The following PALLD variants were observed in gnomAD, a reference collection of about 807,000 sequenced individuals.
PALLD encodes the protein palladin, cytoskeletal associated protein.
A neutral mutation model predicts 123.5 loss-of-function variants in PALLD; 61 were observed. The observed-to-expected ratio is 0.49, with a 90% CI of 0.40 to 0.61. The LOEUF (loss-of-function observed/expected upper bound fraction) is 0.61, where lower values mean the gene tolerates loss of function less well. Ranked by LOEUF, PALLD falls within the 20% of genes least tolerant of loss-of-function variation. PALLD has a pLI of 0.00. For synonymous variants in PALLD, 465 were observed against 496.4 expected, an observed-to-expected ratio of 0.94 and a Z score of 0.84; for missense variants, 1,273 against 1,377.0, an observed-to-expected ratio of 0.92 and a Z score of 1.20.
At position 168,822,109 on chromosome 4, in the gene PALLD, AAG is replaced by A. The variant is rs147974369; in HGVS notation, c.1965-68808_1965-68807del. On this transcript the variant is annotated intron_variant, in intron 10 of 21. Coordinates refer to ENST00000505667, the MANE Select transcript of PALLD (RefSeq NM_001166108.2). ...CCTCCGCAGAACACATGGGGAAACT[AAG>A]AGAGTATGAGAATTTTGTCTCAAGA... Among the ~76,000 whole-genome samples, 1,233 of 152,220 alleles carry A rather than the reference AAG, an allele frequency of 8.1e-3. 6 individuals carry two copies. Among genetic ancestry groups the A allele is most frequent in the Middle Eastern group, 0.027 (8 of 294 alleles).
intron 8 of PALLD, 92 bp from the exon 9 acceptor site, chr4:168,708,936 T>G: frequency 3.7e-6 from 4 of 1,076,750 alleles, no homozygotes; most frequent in Non-Finnish European, 5.7e-6. Context: ...CATAACCTAA[T>G]TTGTTTGTTG....
At chr4:168,805,486 C>T (rs746548808) in intron 10 of PALLD, among the ~76,000 whole-genome samples, 9 of 152,134 alleles carry the variant, frequency 5.9e-5, no homozygotes, top group Admixed American at 1.3e-4. Context: ...CGGTCCAATC[C>T]GATGCTTAAA....
chr4:168,647,385 T>G (rs1292710172), intron 2 of PALLD, among the ~76,000 whole-genome samples: 1 of 152,152 alleles, frequency 6.6e-6, no homozygotes. Flanking sequence ...GGATTAATTA[T>G]TAAAATATTT....
chr4:168,746,888 A>G (rs1407301185), intron 10 of PALLD, among the ~76,000 whole-genome samples: 1 of 152,252 alleles, frequency 6.6e-6, no homozygotes, highest in African/African-American at 2.4e-5. Flanking sequence ...GTATGATCTA[A>G]GAAAAGGTAC....
rs1318322169 is a variant in PALLD at position 168,605,915 on chromosome 4, CT to C, written c.909-62267del. 3.3e-5 allele frequency among the ~76,000 whole-genome samples: 5 copies of C among 150,932 alleles called. No homozygotes were observed. The East Asian group carries it at 7.9e-4, about 24-fold the overall frequency. On this transcript the variant is annotated intron_variant, in intron 2 of 21. Transcript: ENST00000505667. Reference sequence around the variant, plus strand: ...GCCAATGTCAATATAGATTTTTATCCTTTTTTTTAAGAGTTTGCCCAATTTT... The same window carrying C: ...GCCAATGTCAATATAGATTTTTATCCTTTTTTTAAGAGTTTGCCCAATTTT...
At chr4:168,790,800 T>A (rs1316029650) in intron 10 of PALLD, among the ~76,000 whole-genome samples, 1 of 152,200 alleles carries the variant, frequency 6.6e-6, no homozygotes, top group Non-Finnish European at 1.5e-5. Context: ...TATTATCAGA[T>A]AAACTTTTGC....
intron 2 of PALLD, among the ~76,000 whole-genome samples, chr4:168,605,937 A>G (rs1325198784): frequency 6.6e-6 from 1 of 151,002 alleles, no homozygotes; most frequent in African/African-American, 2.4e-5. Context: ...AGTTTGCCCA[A>G]TTTTTTTTTA....
chr4:168,782,301 G>A (rs1201602463), intron 10 of PALLD, among the ~76,000 whole-genome samples: 2 of 152,186 alleles, frequency 1.3e-5, no homozygotes, highest in African/African-American at 4.8e-5. Flanking sequence ...CGAATTATAT[G>A]TTTAATTTTG....
intron 10 of PALLD, chr4:168,878,141 T>A: frequency 1.3e-6 from 2 of 1,485,462 alleles, no homozygotes; most frequent in Non-Finnish European, 1.8e-6. Context: ...GTGGGGCTCC[T>A]CCTCGCCGTC....
chr4:168,891,722 T>C (rs1013218261), intron 11 of PALLD, among the ~76,000 whole-genome samples: 1 of 149,872 alleles, frequency 6.7e-6, no homozygotes, highest in Non-Finnish European at 1.5e-5. Flanking sequence ...CCATTCTGGC[T>C]GATAGGGTTG....
chr4:168,509,166 T>C (rs1762297938), intron 1 of PALLD, among the ~76,000 whole-genome samples: 1 of 152,182 alleles, frequency 6.6e-6, no homozygotes, highest in Non-Finnish European at 1.5e-5. Context: ...TACTGGTGCA[T>C]AGATATACAA....
chr4:168,560,353 C>A (rs1767744122), intron 2 of PALLD, among the ~76,000 whole-genome samples: 1 of 152,190 alleles, frequency 6.6e-6, no homozygotes, highest in South Asian at 2.1e-4. Context: ...TCCAGTAACA[C>A]TGCAGCTGGA....
intron 10 of PALLD, among the ~76,000 whole-genome samples, chr4:168,755,527 T>C (rs1731726551): frequency 6.6e-6 from 1 of 151,782 alleles, no homozygotes; most frequent in South Asian, 2.1e-4. Flanking sequence ...GAAGATGAGA[T>C]TGGAGAAATA....
At chr4:168,880,898 GTTTTCTTTTC>G (rs529718167) in intron 10 of PALLD, among the ~76,000 whole-genome samples, 5 of 151,944 alleles carry the variant, frequency 3.3e-5, no homozygotes, top group Admixed American at 6.6e-5. Flanking sequence ...CAATATCTTA[GTTTTCTTTTC>G]TTTTCTTTTC....
chr4:168,773,919 T>C (rs1734795131), intron 10 of PALLD, among the ~76,000 whole-genome samples: 1 of 152,166 alleles, frequency 6.6e-6, no homozygotes, highest in African/African-American at 2.4e-5. Flanking sequence ...AACAAGTCTA[T>C]TTAACTTCAT....
At position 168,668,358 on chromosome 4, in the gene PALLD, G is replaced by A; in HGVS notation, c.1077G>A (p.Val359=). Residue 359 remains valine, a synonymous_variant, in exon 3 of 22, where the codon GTG becomes GTA. Transcript: ENST00000505667. ...PSGSDTTSAE[V]FIEGASSTDS... is the part of the protein sequence containing the mutation. ...GCTCAGACACAACATCTGCTGAGGT[G>A]TTCATTGAAGGTAAGGAGGGGTGCC... is the stretch of plus-strand genomic sequence containing the variant. 2 of 1,602,712 alleles carry A rather than the reference G, an allele frequency of 1.2e-6. No homozygotes were observed. The highest frequency in any genetic ancestry group is 2.2e-5 in the South Asian group (2 of 89,274).
intron 10 of PALLD, among the ~76,000 whole-genome samples, chr4:168,858,091 A>G (rs1207110878): frequency 6.6e-6 from 1 of 152,210 alleles, no homozygotes; most frequent in Non-Finnish European, 1.5e-5. Flanking sequence ...TTAGAGCAAA[A>G]TTTCAGATTT....
rs143610144 is a variant in PALLD at position 168,910,609 on chromosome 4, A to G, written c.2623-3318A>G. On this transcript the variant is annotated intron_variant, in intron 15 of 21. Transcript: ENST00000505667. ...GAGCATTGGCTTCATGCAAAACACAATGCTGCCCGGTGCTTTACAAGTATT... is the reference window on the plus strand; with the variant it reads ...GAGCATTGGCTTCATGCAAAACACAGTGCTGCCCGGTGCTTTACAAGTATT... 2.3e-3 allele frequency among the ~76,000 whole-genome samples: 350 copies of G among 152,298 alleles called. 2 individuals carry two copies. Among genetic ancestry groups the G allele is most frequent in the African/African-American group, 7.7e-3 (320 of 41,574 alleles).
chr4:168,580,186 GT>G (rs1344559950), intron 2 of PALLD, among the ~76,000 whole-genome samples: 2 of 151,320 alleles, frequency 1.3e-5, no homozygotes, highest in African/African-American at 4.9e-5. Context: ...CATCAATGTT[GT>G]CACAAATTGC....
Sources: allele counts gnomAD v4.1 joint callset (sites outside exome capture counted in the v4.1 genomes callset), GRCh38; gene constraint gnomAD v4.1.1; transcripts MANE v1.5; gene names NCBI Gene and HGNC (gene_info 2026-07-23, HGNC 2026-07-21).